KCNN2: variants seen among roughly 807,000 people sequenced by gnomAD.
KCNN2 encodes the protein potassium calcium-activated channel subfamily N member 2.
In KCNN2, 24 loss-of-function variants were observed where a neutral mutation model predicts 55.5. The observed-to-expected ratio is 0.43, with a 90% CI of 0.31 to 0.61. The LOEUF (loss-of-function observed/expected upper bound fraction) is 0.61, where lower values mean the gene tolerates loss of function less well. Among genes scored for constraint, KCNN2 ranks in the 20% least tolerant of loss-of-function variants. The pLI is 0.08. For synonymous variants in KCNN2, 431 were observed against 336.1 expected (o/e 1.28, Z -3.09); for missense variants, 754 against 853.6 (o/e 0.88, Z 1.45).
intron 2 of KCNN2, among the ~76,000 whole-genome samples, chr5:114,284,630 G>A (rs1755698153): frequency 6.6e-6 from 1 of 152,050 alleles, no homozygotes; most frequent in Admixed American, 6.6e-5. Context: ...TGATTCTCCT[G>A]CCTCAGCCTC....
chr5:114,065,208 G>C (rs548235827), intron 1 of KCNN2, among the ~76,000 whole-genome samples: 1 of 152,166 alleles, frequency 6.6e-6, no homozygotes, highest in African/African-American at 2.4e-5. Context: ...GTTCATAGGA[G>C]AGAAGACAAA....
In KCNN2 at chr5:114,440,454, A is replaced by G. The variant is rs1760164599; in HGVS notation, c.1638-22595A>G. On this transcript the variant is annotated intron_variant, in intron 3 of 7. Transcript: ENST00000673685. Reference sequence around the variant, plus strand: ...TCAAAAAGAGGGATGAGATCCCAGAAAGGATTTTTGACATCTTAAATGTGA... The same window carrying G: ...TCAAAAAGAGGGATGAGATCCCAGAGAGGATTTTTGACATCTTAAATGTGA... Among the ~76,000 whole-genome samples the G allele has an allele frequency of 2.0e-5, 3 of 152,330 alleles. No homozygotes were observed. In the South Asian group the frequency reaches 6.2e-4, roughly 32 times the overall value.
chr5:114,482,058 G>T (rs922397492), intron 5 of KCNN2, among the ~76,000 whole-genome samples: 2 of 152,136 alleles, frequency 1.3e-5, no homozygotes, highest in African/African-American at 4.8e-5. Context: ...AAGAGTTTCT[G>T]CACAGCAAAA....
At chr5:114,166,551 T>C (rs1443114606) in intron 1 of KCNN2, among the ~76,000 whole-genome samples, 2 of 152,160 alleles carry the variant, frequency 1.3e-5, no homozygotes, top group Non-Finnish European at 2.9e-5. Flanking sequence ...GAGGTCTATG[T>C]TACCTTGTTA....
intron 2 of KCNN2, among the ~76,000 whole-genome samples, chr5:114,376,358 C>T (rs528268989): frequency 2.9e-4 from 44 of 152,312 alleles, no homozygotes; most frequent in South Asian, 1.0e-3. Flanking sequence ...TGCTCTGCAG[C>T]ATTTACCCAG....
intron 4 of KCNN2, among the ~76,000 whole-genome samples, chr5:114,463,661 A>T (rs183190274): frequency 9.8e-5 from 15 of 152,336 alleles, no homozygotes; most frequent in Admixed American, 7.8e-4. Flanking sequence ...AGGTACTAGG[A>T]ATACATCAAA....
chr5:114,188,100 A>G (rs1753377153), intron 1 of KCNN2, among the ~76,000 whole-genome samples: 1 of 152,218 alleles, frequency 6.6e-6, no homozygotes, highest in South Asian at 2.1e-4. Flanking sequence ...GGCGTGAGCC[A>G]CTGAGCCCGG....
chr5:114,396,830 C>T (rs149742541), intron 2 of KCNN2, among the ~76,000 whole-genome samples: 6,566 of 152,174 alleles, frequency 0.043, 495 homozygotes, highest in African/African-American at 0.15. Context: ...CAGGCGTGAG[C>T]CACCACGGTC....
rs1165218925 is a variant in KCNN2, at chr5:114,123,505, G to A, written c.-271+67005G>A. 4.2e-5 allele frequency among the ~76,000 whole-genome samples: 5 copies of A among 119,172 alleles called. 1 individual carries two copies. Among genetic ancestry groups the A allele is most frequent in the South Asian group, 5.0e-4 (2 of 4,040 alleles). 78.2% of individuals were successfully genotyped at this position (119,172 alleles called of 152,430 possible). On this transcript the variant is annotated intron_variant, in intron 1 of 10. Transcript: ENST00000512097. ...AGCCTCCCGCGTAGCTGGGACTACA[G>A]GCGCCCGCCACCACGCCCGGCTAAT...
At chr5:114,166,157 T>C (rs1752907297) in intron 1 of KCNN2, among the ~76,000 whole-genome samples, 1 of 152,178 alleles carries the variant, frequency 6.6e-6, no homozygotes. Flanking sequence ...CCCAAAGTGC[T>C]GCTTATCAAA....
At chr5:114,081,311 C>G (rs1750815537) in intron 1 of KCNN2, among the ~76,000 whole-genome samples, 1 of 152,132 alleles carries the variant, frequency 6.6e-6, no homozygotes. Flanking sequence ...TATATGGAAT[C>G]TCAAGGCATC....
At chr5:114,179,771 A>C (rs1203258339) in intron 1 of KCNN2, among the ~76,000 whole-genome samples, 1 of 152,204 alleles carries the variant, frequency 6.6e-6, no homozygotes, top group Admixed American at 6.5e-5. Flanking sequence ...AGACTCAGCC[A>C]TATAGTAGTT....
intron 1 of KCNN2, among the ~76,000 whole-genome samples, chr5:114,157,455 G>T (rs1013377252): frequency 4.0e-5 from 6 of 151,842 alleles, no homozygotes; most frequent in Admixed American, 3.3e-4. Context: ...GAATAGTGCC[G>T]CAATAAACAT....
chr5:114,410,807 A>C (rs1033395249), intron 3 of KCNN2, among the ~76,000 whole-genome samples: 1 of 152,160 alleles, frequency 6.6e-6, no homozygotes, highest in Non-Finnish European at 1.5e-5. Context: ...TCATTTGGTT[A>C]AAAAAGTGGC....
chr5:114,381,882 G>C (rs1580771742), intron 2 of KCNN2, among the ~76,000 whole-genome samples: 1 of 152,170 alleles, frequency 6.6e-6, no homozygotes, highest in Non-Finnish European at 1.5e-5. Flanking sequence ...GACTGAACTA[G>C]GAGAGGGGCA....
intron 2 of KCNN2, among the ~76,000 whole-genome samples, chr5:114,382,693 T>C (rs1248306564): frequency 6.6e-6 from 1 of 152,180 alleles, no homozygotes; most frequent in African/African-American, 2.4e-5. Flanking sequence ...TAGGAGAGAC[T>C]TTTATTCCAT....
At chr5:114,283,925 G>C (rs955529267) in intron 2 of KCNN2, among the ~76,000 whole-genome samples, 6 of 152,144 alleles carry the variant, frequency 3.9e-5, no homozygotes, top group Admixed American at 1.3e-4. Context: ...TGTCCTTCCA[G>C]CTCCTGAAAT....
At chr5:114,267,071 C>T (rs1450311117) in intron 2 of KCNN2, among the ~76,000 whole-genome samples, 1 of 148,018 alleles carries the variant, frequency 6.8e-6, no homozygotes, top group East Asian at 2.1e-4. Flanking sequence ...TCTCAGCTCA[C>T]TGCAACCTCC....
chr5:114,426,328 C>G (rs1759623561), intron 3 of KCNN2, among the ~76,000 whole-genome samples: 1 of 152,188 alleles, frequency 6.6e-6, no homozygotes, highest in Non-Finnish European at 1.5e-5. Flanking sequence ...AGCTTGCATT[C>G]CTGTCATAAA....
Sources: gnomAD v4.1 joint callset for allele counts (sites outside exome capture counted in the v4.1 genomes callset) on GRCh38, gnomAD v4.1.1 for gene constraint, MANE v1.5 for transcripts, NCBI Gene and HGNC (gene_info 2026-07-23, HGNC 2026-07-21) for gene names.